SNTG1: variants seen among roughly 807,000 people sequenced by gnomAD.
SNTG1 encodes syntrophin gamma 1.
A neutral mutation model predicts 74.7 loss-of-function variants in SNTG1; 39 were observed. That is an observed-to-expected ratio of 0.52 (90% CI 0.40 to 0.68). SNTG1 has a LOEUF of 0.68. Ranked by LOEUF, SNTG1 falls within the 30% of genes least tolerant of loss-of-function variation. The pLI, the probability that SNTG1 is intolerant of heterozygous loss-of-function variation, is 0.00. For synonymous variants in SNTG1, 254 were observed against 217.1 expected, an observed-to-expected ratio of 1.17 and a Z score of -1.49; for missense variants, 685 against 609.5, an observed-to-expected ratio of 1.12 and a Z score of -1.30.
At chr8:50,019,643 A>C (rs940911083) in intron 1 of SNTG1, among the ~76,000 whole-genome samples, 1 of 152,138 alleles carries the variant, frequency 6.6e-6, no homozygotes, top group South Asian at 2.1e-4. Context: ...TCAAAGAAAG[A>C]GACCTGATAA....
intron 1 of SNTG1, among the ~76,000 whole-genome samples, chr8:49,927,284 A>C (rs1807115486): frequency 6.6e-6 from 1 of 152,212 alleles, no homozygotes; most frequent in Non-Finnish European, 1.5e-5. Context: ...ACTTACGTCC[A>C]GCAAAACTGG....
chr8:50,370,147 G>A (rs965899161), intron 2 of SNTG1, among the ~76,000 whole-genome samples: 3 of 152,136 alleles, frequency 2.0e-5, no homozygotes, highest in African/African-American at 4.8e-5. Flanking sequence ...CACAAAGTGA[G>A]AAAATAAAAG....
intron 2 of SNTG1, among the ~76,000 whole-genome samples, chr8:50,193,886 G>A (rs1004501848): frequency 6.6e-6 from 1 of 152,052 alleles, no homozygotes; most frequent in Non-Finnish European, 1.5e-5. Flanking sequence ...ATAAAGAGAT[G>A]CTGGATTTTG....
At chr8:49,931,113 G>A (rs1807547545) in intron 1 of SNTG1, among the ~76,000 whole-genome samples, 1 of 152,126 alleles carries the variant, frequency 6.6e-6, no homozygotes, top group South Asian at 2.1e-4. Context: ...TGATTCTCAT[G>A]GAAATGCAAA....
At chr8:50,444,360 T>C (rs1314069231) in intron 5 of SNTG1, among the ~76,000 whole-genome samples, 2 of 152,172 alleles carry the variant, frequency 1.3e-5, no homozygotes, top group Middle Eastern at 3.2e-3. Flanking sequence ...CGTGCTTGCA[T>C]ACATTTTTCT....
intron 4 of SNTG1, among the ~76,000 whole-genome samples, chr8:50,428,872 T>C (rs1184509046): frequency 1.3e-5 from 2 of 152,132 alleles, no homozygotes; most frequent in African/African-American, 2.4e-5. Flanking sequence ...ATTACTTCCT[T>C]GGGACCAAGG....
intron 18 of SNTG1, among the ~76,000 whole-genome samples, chr8:50,773,685 T>G (rs1347612536): frequency 1.3e-5 from 2 of 152,070 alleles, no homozygotes; most frequent in African/African-American, 2.4e-5. Flanking sequence ...GAAATGCCAG[T>G]TTTAAACAAA....
intron 9 of SNTG1, among the ~76,000 whole-genome samples, chr8:50,506,915 TC>T (rs961702739): frequency 1.1e-4 from 17 of 152,132 alleles, no homozygotes; most frequent in African/African-American, 3.6e-4. Flanking sequence ...CTTTCAGTTT[TC>T]CATTATTCAG....
At chr8:49,938,603 T>TTTTCTTTTCTTTTCTTTTCTTTTCTTTTC in intron 1 of SNTG1, among the ~76,000 whole-genome samples, 16 of 74,742 alleles carry the variant, frequency 2.1e-4, no homozygotes, top group African/African-American at 5.9e-4. Flanking sequence ...TTTTCTTTTC[T>TTTTCTTTTCTTTTCTTTTCTTTTCTTTTC]TTTCTTTCTT....
At chr8:50,053,527 C>T (rs557757632) in intron 1 of SNTG1, among the ~76,000 whole-genome samples, 8 of 151,408 alleles carry the variant, frequency 5.3e-5, no homozygotes, top group African/African-American at 1.7e-4. Context: ...ATATAATAAA[C>T]GTCACTGAAT....
chr8:50,387,824 T>C (rs1021378696), intron 2 of SNTG1, among the ~76,000 whole-genome samples: 2 of 152,070 alleles, frequency 1.3e-5, no homozygotes, highest in African/African-American at 2.4e-5. Flanking sequence ...AGAGGGTTGG[T>C]GGGGTTGGAT....
chr8:50,348,144 G>T (rs183384136), intron 2 of SNTG1, among the ~76,000 whole-genome samples: 12 of 152,294 alleles, frequency 7.9e-5, no homozygotes, highest in African/African-American at 2.4e-4. Context: ...TACCAAGGAG[G>T]CAGTGAGACT....
chr8:50,511,960 G>A (rs1270526314), intron 9 of SNTG1, among the ~76,000 whole-genome samples: 2 of 152,122 alleles, frequency 1.3e-5, no homozygotes, highest in East Asian at 1.9e-4. Flanking sequence ...CTGTCATTAT[G>A]ATGTTAGCTG....
chr8:50,334,243 G>C (rs1228667974), intron 2 of SNTG1, among the ~76,000 whole-genome samples: 2 of 152,148 alleles, frequency 1.3e-5, no homozygotes, highest in Non-Finnish European at 2.9e-5. Flanking sequence ...AGTGCACATG[G>C]CAGCCCCCTT....
intron 1 of SNTG1, among the ~76,000 whole-genome samples, chr8:49,943,124 T>A (rs1309282853): frequency 6.6e-6 from 1 of 152,222 alleles, no homozygotes; most frequent in Non-Finnish European, 1.5e-5. Context: ...GCTCAATATG[T>A]TTCTTTAAAA....
At chr8:50,309,659 A>G (rs2090033545) in intron 2 of SNTG1, among the ~76,000 whole-genome samples, 1 of 152,184 alleles carries the variant, frequency 6.6e-6, no homozygotes, top group Admixed American at 6.5e-5. Context: ...CAAATATACC[A>G]TATCTTAGTA....
intron 8 of SNTG1, among the ~76,000 whole-genome samples, chr8:50,473,928 G>C (rs574201086): frequency 1.3e-5 from 2 of 152,010 alleles, no homozygotes; most frequent in African/African-American, 4.8e-5. Flanking sequence ...AGGGAACAGA[G>C]GGTTATTGTT....
intron 15 of SNTG1, among the ~76,000 whole-genome samples, chr8:50,664,202 G>T (rs1314134303): frequency 6.6e-6 from 1 of 152,190 alleles, no homozygotes; most frequent in Non-Finnish European, 1.5e-5. Context: ...TAGCTGAGAT[G>T]ATACTAAGTT....
intron 15 of SNTG1, among the ~76,000 whole-genome samples, chr8:50,675,607 A>T (rs1269927195): frequency 2.6e-5 from 4 of 151,724 alleles, no homozygotes; most frequent in Admixed American, 2.0e-4. Context: ...TTGACTCTTT[A>T]TCCAATTTGC....
Sources: gnomAD v4.1 joint callset for allele counts (sites outside exome capture counted in the v4.1 genomes callset) on GRCh38, gnomAD v4.1.1 for gene constraint, MANE v1.5 for transcripts, NCBI Gene and HGNC (gene_info 2026-07-23, HGNC 2026-07-21) for gene names.